SEPTIN10: variants seen among roughly 807,000 people sequenced by gnomAD.
SEPTIN10 encodes septin 10, also known as septin-10.
Under a neutral mutation model 54.8 loss-of-function variants are expected in SEPTIN10, and 66 were observed. The observed-to-expected ratio is 1.21, with a 90% CI of 0.99 to 1.48. SEPTIN10 has a LOEUF of 1.48. Among genes scored for constraint, SEPTIN10 ranks in the 40% most tolerant of loss-of-function variants. The pLI, the probability that SEPTIN10 is intolerant of heterozygous loss-of-function variation, is 0.00. For missense variants in SEPTIN10, 620 were observed against 545.6 expected (o/e 1.14, Z -1.36); for synonymous variants, 161 against 181.0 (o/e 0.89, Z 0.89).
chr2:109,568,710 G>T (rs1293790170), intron 5 of SEPTIN10, among the ~76,000 whole-genome samples: 7 of 151,998 alleles, frequency 4.6e-5, no homozygotes, highest in Non-Finnish European at 7.3e-5. Flanking sequence ...AATAATCTAA[G>T]CACTAAGTAA....
chr2:109,574,006 A>T (rs1182461859), intron 5 of SEPTIN10, among the ~76,000 whole-genome samples: 1 of 152,246 alleles, frequency 6.6e-6, no homozygotes, highest in Admixed American at 6.5e-5. Flanking sequence ...AAAAATGCAG[A>T]GAATACCCAT....
rs372556461 is a variant in SEPTIN10, at chr2:109,565,748, C to G, written c.859+15G>C. On this transcript the variant is annotated intron_variant, in intron 7 of 10. Transcript: ENST00000397712. Reference sequence around the variant, plus strand: ...AGATAGATACATATTTCTAGTCATCCTTTGTCTCATTTACCTTGTACAACA... The same window carrying G: ...AGATAGATACATATTTCTAGTCATCGTTTGTCTCATTTACCTTGTACAACA... 6.2e-7 allele frequency: 1 copy of G among 1,603,722 alleles called. No homozygotes were observed. Among genetic ancestry groups the G allele is most frequent in the Non-Finnish European group, 8.5e-7 (1 of 1,170,930 alleles).
At chr2:109,549,999 A>G (rs1682469724) in intron 9 of SEPTIN10, among the ~76,000 whole-genome samples, 1 of 152,164 alleles carries the variant, frequency 6.6e-6, no homozygotes, top group Admixed American at 6.5e-5. Flanking sequence ...TTTTAAGGAC[A>G]CGACACATTC....
chr2:109,595,514 G>C (rs1048667246), intron 1 of SEPTIN10, among the ~76,000 whole-genome samples: 2 of 152,138 alleles, frequency 1.3e-5, no homozygotes, highest in Non-Finnish European at 2.9e-5. Context: ...AACAAAGTGA[G>C]AGCCCCTGGA....
intron 4 of SEPTIN10, among the ~76,000 whole-genome samples, chr2:109,579,275 T>C (rs1690511901): frequency 6.6e-6 from 1 of 152,162 alleles, no homozygotes; most frequent in Non-Finnish European, 1.5e-5. Flanking sequence ...TTTTTAAAAA[T>C]TAAACTCAAA....
At chr2:109,612,534 TAC>T (rs574271928) in intron 1 of SEPTIN10, among the ~76,000 whole-genome samples, 75 of 152,318 alleles carry the variant, frequency 4.9e-4, no homozygotes, top group South Asian at 1.2e-3. Context: ...TAACGCAAAA[TAC>T]AGTTTAATTC....
chr2:109,558,119 T>C (rs1684810701), intron 8 of SEPTIN10, among the ~76,000 whole-genome samples: 1 of 152,180 alleles, frequency 6.6e-6, no homozygotes, highest in South Asian at 2.1e-4. Context: ...GCCAACATAC[T>C]ACTGTTGTTG....
intron 8 of SEPTIN10, among the ~76,000 whole-genome samples, chr2:109,563,721 C>T (rs189245084): frequency 6.6e-6 from 1 of 152,294 alleles, no homozygotes; most frequent in African/African-American, 2.4e-5. Context: ...TCTCCAACTC[C>T]CTACAAGCAC....
intron 4 of SEPTIN10, among the ~76,000 whole-genome samples, chr2:109,575,412 T>C (rs1168033700): frequency 6.6e-6 from 1 of 152,238 alleles, no homozygotes; most frequent in East Asian, 1.9e-4. Flanking sequence ...CTAGTAATGG[T>C]GGCACGTTTT....
chr2:109,613,705 C>G, intron 1 of SEPTIN10, 93 bp downstream of exon 1: 1 of 877,658 alleles, frequency 1.1e-6, no homozygotes, highest in East Asian at 3.6e-5. Context: ...GTCACAATCC[C>G]GGGCCGGACC....
chr2:109,590,604 G>A (rs1043598308), intron 2 of SEPTIN10, among the ~76,000 whole-genome samples: 3 of 152,006 alleles, frequency 2.0e-5, no homozygotes, highest in Admixed American at 6.6e-5. Flanking sequence ...ACTAATTTTT[G>A]TATTTTTAGT....
chr2:109,612,973 T>C (rs1237024186), intron 1 of SEPTIN10: 3 of 436,654 alleles, frequency 6.9e-6, no homozygotes, highest in East Asian at 1.4e-4. Context: ...CTCAAACTTT[T>C]TGGTCTCCAG....
chr2:109,546,202 G>A lies in SEPTIN10; in HGVS notation c.1197C>T (p.His399=). 6.2e-7 allele frequency: 1 copy of A among 1,602,692 alleles called. No individual in the cohort carries two copies. Among genetic ancestry groups the A allele is most frequent in the Non-Finnish European group, 8.5e-7 (1 of 1,175,440 alleles). The change falls in exon 10 of 11, where the codon CAC becomes CAT. Residue 399 remains histidine, a synonymous_variant. Transcript: ENST00000397712. Reference sequence around the variant, plus strand: ...CTTCAAGCTTCATTCTCTCTTCTTGGTGAAGTCTCTTAAGGTGCTCAAATT... The same window carrying A: ...CTTCAAGCTTCATTCTCTCTTCTTGATGAAGTCTCTTAAGGTGCTCAAATT... ...QAKFEHLKRL[H]QEERMKLEEK...
chr2:109,555,290 G>A (rs1268064968), intron 8 of SEPTIN10, among the ~76,000 whole-genome samples: 1 of 152,158 alleles, frequency 6.6e-6, no homozygotes, highest in Non-Finnish European at 1.5e-5. Context: ...AAACAATTCT[G>A]ATATCCTATC....
In SEPTIN10 at chr2:109,559,054, T is replaced by C. The variant is rs181896352; in HGVS notation, c.1028+5312A>G. ...GTGTCCGCCACCACACCCGGCTAAT[T>C]TTTGTATTTTTAGTACAGACAGGGT... On this transcript the variant is annotated intron_variant, in intron 8 of 10. Transcript: ENST00000397712. 1.1e-3 allele frequency among the ~76,000 whole-genome samples: 165 copies of C among 152,206 alleles called. 2 individuals carry two copies. In the East Asian group the frequency reaches 0.02, roughly 18 times the overall value.
intron 8 of SEPTIN10, among the ~76,000 whole-genome samples, chr2:109,562,535 A>G (rs1010806956): frequency 6.6e-6 from 1 of 152,140 alleles, no homozygotes; most frequent in Non-Finnish European, 1.5e-5. Flanking sequence ...ATGACTAAGA[A>G]TTCTGACTGC....
chr2:109,552,923 G>T, intron 9 of SEPTIN10, 164 bp downstream of exon 9: 3 of 743,246 alleles, frequency 4.0e-6, no homozygotes, highest in Non-Finnish European at 6.3e-6. Context: ...TTAATTTCAG[G>T]CTATGATTCT....
intron 8 of SEPTIN10, among the ~76,000 whole-genome samples, chr2:109,561,253 T>C (rs1284379858): frequency 6.6e-6 from 1 of 152,112 alleles, no homozygotes; most frequent in Non-Finnish European, 1.5e-5. Flanking sequence ...TGTATATGTC[T>C]TGCTCTGTTT....
Position 109,574,657 on chromosome 2 carries a change from C to A in SEPTIN10, c.524G>T (p.Cys175Phe). The change falls in exon 5 of 11, where the codon TGT becomes TTT. Residue 175 changes from cysteine (C) to phenylalanine (F), a missense_variant. By Grantham distance (205) the Cys-to-Phe change is radical. Coordinates refer to ENST00000397712, the MANE Select transcript of SEPTIN10 (RefSeq NM_144710.5). ...GCCTGTCGGTGAAATGAAGTAGAGA[C>A]ACACATGGATGCGAGAATCATGGTA... ...FTYHDSRIHV[C>F]LYFISPTGHS... 3.7e-6 allele frequency: 6 copies of A among 1,608,764 alleles called. No homozygotes were observed. Among genetic ancestry groups the A allele is most frequent in the Non-Finnish European group, 5.1e-6 (6 of 1,177,594 alleles).
Sources: gnomAD v4.1 joint callset for allele counts (sites outside exome capture counted in the v4.1 genomes callset) on GRCh38, gnomAD v4.1.1 for gene constraint, MANE v1.5 for transcripts, NCBI Gene and HGNC (gene_info 2026-07-23, HGNC 2026-07-21) for gene names.